Variants in EPHA6 observed in about 807,000 individuals in gnomAD.
EPHA6 encodes ephrin type-A receptor 6.
EPHA6 carries 50 observed loss-of-function variants against 112.0 expected under a neutral mutation model. That is an observed-to-expected ratio of 0.45 (90% CI 0.36 to 0.56). EPHA6 has a LOEUF of 0.56. EPHA6 is among the 20% of genes least tolerant of loss of function. The pLI is 0.00. For synonymous variants in EPHA6, 529 were observed against 490.7 expected, an observed-to-expected ratio of 1.08 and a Z score of -1.03; for missense variants, 1,280 against 1,417.4, an observed-to-expected ratio of 0.90 and a Z score of 1.56.
chr3:96,928,094 TCA>T (rs1371259399), intron 2 of EPHA6, among the ~76,000 whole-genome samples: 1 of 152,160 alleles, frequency 6.6e-6, no homozygotes, highest in Non-Finnish European at 1.5e-5. Context: ...CATGACATGA[TCA>T]CCTCTCGCCA....
At position 97,758,299 on chromosome 3, in the gene EPHA6, A is replaced by C. The variant is rs1483660651; in HGVS notation, c.*9598A>C. Among the ~76,000 whole-genome samples, 1 of 152,004 alleles carries C rather than the reference A, an allele frequency of 6.6e-6. No individual in the cohort carries two copies. The highest frequency in any genetic ancestry group is 6.5e-5 in the Admixed American group (1 of 15,268). On this transcript the variant is annotated 3_prime_UTR_variant, in exon 18 of 18. Transcript: ENST00000389672. Reference sequence around the variant, plus strand: ...AATAATAAGGTATCTATAATATAACAATCAAAAATATCAGTCAAAGCTTAG... The same window carrying C: ...AATAATAAGGTATCTATAATATAACCATCAAAAATATCAGTCAAAGCTTAG...
intron 11 of EPHA6, among the ~76,000 whole-genome samples, chr3:97,545,516 T>TC (rs1384955295): frequency 6.6e-6 from 1 of 152,216 alleles, no homozygotes; most frequent in African/African-American, 2.4e-5. Context: ...AGGTGTCGTG[T>TC]GGTGCTGAAA....
chr3:97,353,169 G>C (rs1559913353), intron 5 of EPHA6, among the ~76,000 whole-genome samples: 1 of 151,984 alleles, frequency 6.6e-6, no homozygotes, highest in Non-Finnish European at 1.5e-5. Context: ...CACAGGCCTT[G>C]GGTGAGAGCC....
chr3:97,043,061 T>A (rs1329649586), intron 3 of EPHA6, among the ~76,000 whole-genome samples: 1 of 152,202 alleles, frequency 6.6e-6, no homozygotes, highest in Non-Finnish European at 1.5e-5. Flanking sequence ...ATCTTGTATT[T>A]TATCTTTTTT....
chr3:97,184,127 T>TA (rs2077060767), intron 3 of EPHA6, among the ~76,000 whole-genome samples: 1 of 152,116 alleles, frequency 6.6e-6, no homozygotes. Flanking sequence ...CTAATAGCTT[T>TA]AAAACAATTT....
intron 10 of EPHA6, among the ~76,000 whole-genome samples, chr3:97,516,903 C>T (rs1056544331): frequency 2.0e-5 from 3 of 151,998 alleles, no homozygotes; most frequent in Admixed American, 2.0e-4. Flanking sequence ...TGTTTTCCCC[C>T]CTCATTCATT....
chr3:97,261,135 A>G (rs1482080097), intron 5 of EPHA6, among the ~76,000 whole-genome samples: 1 of 152,228 alleles, frequency 6.6e-6, no homozygotes, highest in Non-Finnish European at 1.5e-5. Flanking sequence ...ATAGAGATGT[A>G]CAAATAATGA....
At chr3:97,542,846 T>G (rs2092884376) in intron 11 of EPHA6, among the ~76,000 whole-genome samples, 1 of 152,250 alleles carries the variant, frequency 6.6e-6, no homozygotes, top group Non-Finnish European at 1.5e-5. Context: ...TGATGGCCAG[T>G]GATGATGAGC....
At chr3:96,888,363 T>C (rs896662470) in intron 2 of EPHA6, among the ~76,000 whole-genome samples, 2 of 152,086 alleles carry the variant, frequency 1.3e-5, no homozygotes, top group African/African-American at 2.4e-5. Flanking sequence ...CTTCACCAGT[T>C]GGGGTGTATG....
intron 2 of EPHA6, among the ~76,000 whole-genome samples, chr3:96,882,721 A>G (rs2037386129): frequency 7.5e-6 from 1 of 132,670 alleles, no homozygotes; most frequent in Non-Finnish European, 1.6e-5. Flanking sequence ...GTAGTATTCC[A>G]TTGTGTGTCT....
chr3:96,819,621 A>G (rs2033093168), intron 1 of EPHA6, among the ~76,000 whole-genome samples: 1 of 152,114 alleles, frequency 6.6e-6, no homozygotes, highest in South Asian at 2.1e-4. Context: ...GGAAATCAAT[A>G]TATATAGTTA....
chr3:97,144,289 A>C (rs1004683997), intron 3 of EPHA6, among the ~76,000 whole-genome samples: 2 of 151,554 alleles, frequency 1.3e-5, no homozygotes, highest in African/African-American at 2.4e-5. Flanking sequence ...GGAATTGTTT[A>C]TCTCTATATT....
At chr3:96,989,729 A>T (rs537904678) in intron 3 of EPHA6, among the ~76,000 whole-genome samples, 1 of 152,160 alleles carries the variant, frequency 6.6e-6, no homozygotes, top group African/African-American at 2.4e-5. Context: ...GGAGAGAGAG[A>T]GTGAAAGGGG....
At chr3:97,062,396 C>T (rs907153938) in intron 3 of EPHA6, among the ~76,000 whole-genome samples, 1 of 152,020 alleles carries the variant, frequency 6.6e-6, no homozygotes, top group Non-Finnish European at 1.5e-5. Flanking sequence ...ATAGGGTTCC[C>T]GAGATAGAAT....
At chr3:97,020,911 AT>A (rs147698536) in intron 3 of EPHA6, among the ~76,000 whole-genome samples, 9 of 151,006 alleles carry the variant, frequency 6.0e-5, no homozygotes, top group Non-Finnish European at 7.4e-5. Flanking sequence ...CCAAGGTTTG[AT>A]TTTTTTTTTA....
rs935636971 is a variant in EPHA6 at position 97,620,836 on chromosome 3, A to C, written c.2574+9982A>C. Among the ~76,000 whole-genome samples, 3 of 152,044 alleles carry C rather than the reference A, an allele frequency of 2.0e-5. 1 individual carries two copies. Among genetic ancestry groups the C allele is most frequent in the Non-Finnish European group, 4.4e-5 (3 of 67,980 alleles). On this transcript the variant is annotated intron_variant, in intron 13 of 17. Transcript: ENST00000389672. ...GGTGGCAGTGTAAATTAGTTCAATC[A>C]TTGTAACAGACAGTGTGGCAATTCC...
chr3:97,743,211 A>G (rs577917576), intron 16 of EPHA6, among the ~76,000 whole-genome samples: 1 of 152,260 alleles, frequency 6.6e-6, no homozygotes, highest in East Asian at 1.9e-4. Flanking sequence ...ATTAAATGAA[A>G]ATATTCATCA....
intron 3 of EPHA6, among the ~76,000 whole-genome samples, chr3:97,174,007 A>G (rs72922357): frequency 0.013 from 1,947 of 151,426 alleles, 44 homozygotes; most frequent in African/African-American, 0.043. Flanking sequence ...CCCATTAACC[A>G]TCACCTTCTA....
intron 11 of EPHA6, among the ~76,000 whole-genome samples, chr3:97,588,028 A>G (rs933475323): frequency 2.6e-5 from 4 of 152,198 alleles, no homozygotes; most frequent in Non-Finnish European, 5.9e-5. Context: ...AGCAAGTTTT[A>G]CAGGGGATAT....
Sources: gnomAD v4.1 joint callset for allele counts (sites outside exome capture counted in the v4.1 genomes callset) on GRCh38, gnomAD v4.1.1 for gene constraint, MANE v1.5 for transcripts, NCBI Gene and HGNC (gene_info 2026-07-23, HGNC 2026-07-21) for gene names.